WDR62: variants seen among roughly 807,000 people sequenced by gnomAD.
WDR62 encodes WD repeat-containing protein 62.
Under a neutral mutation model 160.6 loss-of-function variants are expected in WDR62, and 112 were observed. The observed-to-expected ratio is 0.70, with a 90% CI of 0.60 to 0.82. The LOEUF is 0.82. WDR62 is among the 40% of genes least tolerant of loss of function. The pLI is 0.00. For synonymous variants in WDR62, 792 were observed against 815.1 expected (o/e 0.97, Z 0.48); for missense variants, 1,819 against 1,983.8 (o/e 0.92, Z 1.58).
chr19:36,086,019 T>C (rs2145741908), intron 12 of WDR62, among the ~76,000 whole-genome samples: 1 of 152,122 alleles, frequency 6.6e-6, no homozygotes. Context: ...CGGTGGCTCA[T>C]GCCTGTAATC....
rs45470992 is a variant in WDR62 at position 36,103,467 on chromosome 19, C to T, written c.3639C>T (p.Ser1213=). 0.037 allele frequency: 60,084 copies of T among 1,614,136 alleles called. 1,424 individuals are homozygous for T. The highest frequency in any genetic ancestry group is 0.1 in the East Asian group (4,697 of 44,872). The part of the protein sequence containing the change: ...PGLAQGVHAP[S]TCSYMEATAS... ...TGGCTCAGGGTGTCCATGCCCCCTC[C>T]ACCTGTTCCTACATGGAGGCCACTG... Residue 1213 remains serine, a synonymous_variant, in exon 30 of 32, where the codon TCC becomes TCT. Coordinates refer to ENST00000401500, the MANE Select transcript of WDR62 (RefSeq NM_001083961.2).
intron 21 of WDR62, among the ~76,000 whole-genome samples, chr19:36,098,217 G>A (rs1053733160): frequency 2.0e-5 from 3 of 151,450 alleles, no homozygotes; most frequent in African/African-American, 4.9e-5. Flanking sequence ...TGCAGTGATC[G>A]TGCTACTGCA....
At chr19:36,076,504 G>A (rs988466827) in intron 9 of WDR62, among the ~76,000 whole-genome samples, 4 of 150,958 alleles carry the variant, frequency 2.6e-5, no homozygotes, top group African/African-American at 9.8e-5. Context: ...GTTGCAGTAA[G>A]CCAAGATCAA....
rs770382779 is a variant in WDR62 at position 36,103,333 on chromosome 19, T to G, written c.3515-10T>G. On this transcript the variant is annotated splice_polypyrimidine_tract_variant and intron_variant, in intron 29 of 31. Coordinates refer to ENST00000401500, the MANE Select transcript of WDR62 (RefSeq NM_001083961.2). The stretch of plus-strand genomic sequence containing the variant: ...TGTGGTGGAGTCAGTGCCATCTGCT[T>G]CCGTTACAGCTCCCTGCCTTACGAG... 6.2e-7 allele frequency: 1 copy of G among 1,613,632 alleles called. No individual in the cohort carries two copies. The highest frequency in any genetic ancestry group is 2.2e-5 in the East Asian group (1 of 44,866).
chr19:36,067,934 C>T lies in WDR62; in HGVS notation c.806C>T (p.Thr269Ile). 6.2e-7 allele frequency: 1 copy of T among 1,614,172 alleles called. No individual in the cohort carries two copies. Among genetic ancestry groups the T allele is most frequent in the Non-Finnish European group, 8.5e-7 (1 of 1,180,034 alleles). ...GGTCGGGGCCGGATGGCGGGCAGTA[C>T]CTTCTGTGTGTCCTACTCGGGCCTC... ...ACGRGRMAGS[T>I]FCVSYSGLLC... The change falls in exon 7 of 32, where the codon ACC (threonine) becomes ATC (isoleucine). Residue 269 changes from threonine (T) to isoleucine (I), a missense_variant. By Grantham distance (89) the Thr-to-Ile change is moderately conservative (BLOSUM62 -1). Coordinates refer to ENST00000401500, the MANE Select transcript of WDR62 (RefSeq NM_001083961.2).
chr19:36,071,178 TG>T (rs1192383944), intron 7 of WDR62: 1 of 257,498 alleles, frequency 3.9e-6, no homozygotes, highest in African/African-American at 2.3e-5. Context: ...CACTCCAGCC[TG>T]GGCGCAACAA....
intron 13 of WDR62, among the ~76,000 whole-genome samples, chr19:36,087,510 CAA>C (rs1179949319): frequency 1.9e-4 from 22 of 117,748 alleles, no homozygotes; most frequent in Non-Finnish European, 1.4e-4. Context: ...GACTTTGTCT[CAA>C]AAAAAAAAAA....
chr19:36,102,220 G>A, intron 26 of WDR62, 69 bp downstream of exon 26: 1 of 1,611,132 alleles, frequency 6.2e-7, no homozygotes, highest in Non-Finnish European at 8.5e-7. Flanking sequence ...TGGCGTCCCT[G>A]GAGTTGGCTC....
chr19:36,071,487 C>T, intron 7 of WDR62, 69 bp from the exon 8 acceptor site: 3 of 1,593,718 alleles, frequency 1.9e-6, no homozygotes, highest in Non-Finnish European at 2.6e-6. Context: ...GCTGCTCTGT[C>T]AGTCCCCATA....
chr19:36,106,851 G>A (rs552178029), downstream of WDR62, among the ~76,000 whole-genome samples: 2 of 152,192 alleles, frequency 1.3e-5, no homozygotes, highest in African/African-American at 4.8e-5. Context: ...GGGATATCCA[G>A]TGTTGCTTAT....
intron 6 of WDR62, 28 bp from the exon 7 acceptor site, chr19:36,067,800 T>A: frequency 6.2e-7 from 1 of 1,612,568 alleles, no homozygotes; most frequent in South Asian, 1.1e-5. Flanking sequence ...TGTGGACAAG[T>A]ATCTCACTAC....
chr19:36,105,148 C>A, downstream of WDR62: 2 of 1,327,454 alleles, frequency 1.5e-6, no homozygotes, highest in Non-Finnish European at 2.1e-6. Flanking sequence ...ACAAAGCCCT[C>A]TTCAAGTGGA....
intron 9 of WDR62, among the ~76,000 whole-genome samples, chr19:36,077,401 G>A (rs927572211): frequency 1.4e-4 from 21 of 147,072 alleles, no homozygotes; most frequent in Admixed American, 2.8e-4. Flanking sequence ...CTTCCTCAGC[G>A]TCCTGAGCAG....
At chr19:36,103,298 A>G (rs1319714766) in intron 29 of WDR62, 45 bp from the exon 30 acceptor site, 3 of 1,612,588 alleles carry the variant, frequency 1.9e-6, no homozygotes, top group East Asian at 2.2e-5. Flanking sequence ...GGCCCTAGCC[A>G]TCAGTTCTGT....
At chr19:36,059,094 G>C (rs1355189884) in intron 2 of WDR62, 1 of 678,132 alleles carries the variant, frequency 1.5e-6, no homozygotes. Flanking sequence ...TATGACTACA[G>C]GGGGGAGGTG....
In WDR62 at chr19:36,092,695, G is replaced by A; in HGVS notation, c.2217G>A (p.Val739=). The A allele has an allele frequency of 1.2e-6, 2 of 1,614,188 alleles. No homozygotes were observed. The highest frequency in any genetic ancestry group is 1.7e-6 in the Non-Finnish European group (2 of 1,180,008). ...CTCTCTTTGACCTCCGCAGCTGCGT[G>A]TTCATCTGGCACCTGGGCCCGGAGA... ...HLITVSGDSC[V]FIWHLGPEIT... Residue 739 remains valine (V), a synonymous_variant, in exon 19 of 32, where the codon GTG becomes GTA. Transcript: ENST00000401500.
At chr19:36,067,561 C>G in intron 6 of WDR62, 118 bp downstream of exon 6, 1 of 1,444,116 alleles carries the variant, frequency 6.9e-7, no homozygotes, top group Admixed American at 1.7e-5. Context: ...TTTGGCCTCT[C>G]AGGGGCCCAG....
Position 36,058,027 on chromosome 19 carries a change from G to T in WDR62, c.178-753G>T, listed in dbSNP as rs533051156. Among the ~76,000 whole-genome samples the T allele has an allele frequency of 1.8e-4, 28 of 152,294 alleles. 1 individual carries two copies. The South Asian group carries it at 5.8e-3, about 32-fold the overall frequency. On this transcript the variant is annotated intron_variant, in intron 1 of 31. Coordinates refer to ENST00000401500, the MANE Select transcript of WDR62 (RefSeq NM_001083961.2). ...GATAATAGAGCCTTCTTCGTGGCTT[G>T]TTGGGAGGATTCAAGTCTTTTATAC...
At chr19:36,080,070 C>T (rs940238193) in intron 9 of WDR62, among the ~76,000 whole-genome samples, 2 of 152,034 alleles carry the variant, frequency 1.3e-5, no homozygotes, top group Non-Finnish European at 2.9e-5. Flanking sequence ...ATTTTCTCCT[C>T]AGTTATATCT....
Sources: gnomAD v4.1 joint callset for allele counts (sites outside exome capture counted in the v4.1 genomes callset) on GRCh38, gnomAD v4.1.1 for gene constraint, MANE v1.5 for transcripts, NCBI Gene and HGNC (gene_info 2026-07-23, HGNC 2026-07-21) for gene names.